The following AFF3 variants were observed in gnomAD, a reference collection of about 807,000 sequenced individuals.
AFF3 encodes the protein AF4/FMR2 family member 3.
Under a neutral mutation model 129.7 loss-of-function variants are expected in AFF3, and 32 were observed. The ratio of observed to expected loss-of-function variants is 0.25; its 90% CI spans 0.19 to 0.33. The LOEUF (loss-of-function observed/expected upper bound fraction) is 0.33. AFF3 is among the 10% of genes least tolerant of loss of function. AFF3 has a pLI of 1.00. For synonymous variants in AFF3, 644 were observed against 635.4 expected (o/e 1.01, Z -0.20); for missense variants, 1,373 against 1,592.0 (o/e 0.86, Z 2.34).
At chr2:99,719,407 A>G (rs1440258975) in intron 11 of AFF3, among the ~76,000 whole-genome samples, 1 of 152,124 alleles carries the variant, frequency 6.6e-6, no homozygotes, top group Non-Finnish European at 1.5e-5. Context: ...GGGATATTGT[A>G]TGATATTTTT....
chr2:99,876,860 C>A (rs1188581397), intron 7 of AFF3, among the ~76,000 whole-genome samples: 3 of 152,116 alleles, frequency 2.0e-5, no homozygotes, highest in African/African-American at 7.2e-5. Flanking sequence ...CAACCTGGAA[C>A]GTATTTCCTC....
At chr2:99,809,144 A>C (rs1686591726) in intron 8 of AFF3, among the ~76,000 whole-genome samples, 1 of 152,250 alleles carries the variant, frequency 6.6e-6, no homozygotes, top group Non-Finnish European at 1.5e-5. Context: ...CTTGACTTTA[A>C]AAAATTTTCT....
At chr2:99,565,963 T>C (rs1675921218) in intron 19 of AFF3, among the ~76,000 whole-genome samples, 1 of 152,202 alleles carries the variant, frequency 6.6e-6, no homozygotes, top group African/African-American at 2.4e-5. Context: ...CTCCATGCTA[T>C]GCTAAATATG....
At chr2:99,939,570 C>T (rs1674838532) in intron 7 of AFF3, among the ~76,000 whole-genome samples, 1 of 152,132 alleles carries the variant, frequency 6.6e-6, no homozygotes, top group Non-Finnish European at 1.5e-5. Context: ...ATATTTGCAA[C>T]AAATTGAAAT....
At chr2:99,606,931 A>AAG (rs1175138988) in intron 13 of AFF3, among the ~76,000 whole-genome samples, 2 of 151,592 alleles carry the variant, frequency 1.3e-5, no homozygotes, top group African/African-American at 2.4e-5. Context: ...AAAAAAAAAA[A>AAG]AAAAAAAAGA....
At chr2:99,776,354 C>A (rs1414498951) in intron 8 of AFF3, among the ~76,000 whole-genome samples, 1 of 152,162 alleles carries the variant, frequency 6.6e-6, no homozygotes, top group Non-Finnish European at 1.5e-5. Context: ...GTTAGAGGAG[C>A]AATGCAGAAA....
intron 7 of AFF3, among the ~76,000 whole-genome samples, chr2:99,942,966 CCCT>C (rs1218156294): frequency 1.3e-5 from 2 of 152,104 alleles, no homozygotes; most frequent in Non-Finnish European, 2.9e-5. Flanking sequence ...AAGCAGAAAC[CCCT>C]CCTTTTCCTT....
chr2:99,906,480 A>G (rs994730740), intron 7 of AFF3, among the ~76,000 whole-genome samples: 1 of 152,176 alleles, frequency 6.6e-6, no homozygotes, highest in Non-Finnish European at 1.5e-5. Context: ...GTCCCCAGTC[A>G]TTCAATCAAA....
At chr2:100,134,194 A>G (rs1235564036) in intron 1 of AFF3, among the ~76,000 whole-genome samples, 1 of 152,218 alleles carries the variant, frequency 6.6e-6, no homozygotes, top group African/African-American at 2.4e-5. Context: ...GACAGCTACT[A>G]CAGGGGATTA....
intron 7 of AFF3, among the ~76,000 whole-genome samples, chr2:99,988,287 T>G (rs1213569065): frequency 6.6e-6 from 1 of 152,164 alleles, no homozygotes; most frequent in Non-Finnish European, 1.5e-5. Context: ...CTTGACTTCA[T>G]CAGGCAGGGT....
In AFF3 at chr2:99,593,737, G is replaced by A. The variant is rs780233607; in HGVS notation, c.1924C>T (p.Arg642Cys). ...NNRASHRKEL[R>C]SSVTCEKRRT... ...CGCTTCTCGCAGGTCACGGAGGAGCGCAGCTCCTTGCGGTGGCTCGCTCTG... is the reference window on the plus strand; with the variant it reads ...CGCTTCTCGCAGGTCACGGAGGAGCACAGCTCCTTGCGGTGGCTCGCTCTG... The change falls in exon 15 of 25, where the codon CGC becomes TGC. Residue 642 changes from arginine to cysteine, a missense_variant. Physicochemically the swap from Arg to Cys is radical, Grantham distance 180. This residue lies in a region of AFF3 where 466 missense variants were observed against 505.0 expected (regional missense o/e 0.92). Coordinates refer to ENST00000672756, the MANE Select transcript of AFF3 (RefSeq NM_001386135.1). The A allele has an allele frequency of 6.2e-6, 10 of 1,612,766 alleles. No individual in the cohort carries two copies. Among genetic ancestry groups the A allele is most frequent in the South Asian group, 1.1e-5 (1 of 91,014 alleles).
chr2:99,594,046 C>A lies in AFF3; in HGVS notation c.1615G>T (p.Ala539Ser), dbSNP rs1396566414. ...TGCTTCACGCCTTTACTCCCAGGGG[C>A]CTTGTTGGCTGTCCTTGGCCTTTGC... ...EEQRPRTANKAPGSKGVKQKS... is the reference protein window; with the variant it reads ...EEQRPRTANKSPGSKGVKQKS... Residue 539 changes from alanine to serine, a missense_variant, in exon 15 of 25, where the codon GCC (alanine) becomes TCC (serine). Coordinates refer to ENST00000672756, the MANE Select transcript of AFF3 (RefSeq NM_001386135.1). The A allele has an allele frequency of 2.6e-5, 42 of 1,610,932 alleles. No individual in the cohort carries two copies. Among genetic ancestry groups the A allele is most frequent in the Non-Finnish European group, 3.4e-5 (40 of 1,178,074 alleles).
chr2:100,007,493 T>C (rs752888142), intron 5 of AFF3, 33 bp from the exon 6 acceptor site: 2 of 1,574,614 alleles, frequency 1.3e-6, no homozygotes, highest in Admixed American at 1.7e-5. Flanking sequence ...ACGCTATTGT[T>C]AGAGACAACA....
chr2:99,906,435 T>C (rs1038505014), intron 7 of AFF3, among the ~76,000 whole-genome samples: 8 of 152,146 alleles, frequency 5.3e-5, no homozygotes, highest in African/African-American at 1.7e-4. Context: ...CTATCTGGGA[T>C]GGTCAGTTCT....
At chr2:99,602,251 T>C (rs1434317778) in intron 13 of AFF3, among the ~76,000 whole-genome samples, 37 of 152,220 alleles carry the variant, frequency 2.4e-4, no homozygotes, top group Admixed American at 2.4e-3. Flanking sequence ...TGTTATAAAC[T>C]GTAACCTTCC....
intron 8 of AFF3, among the ~76,000 whole-genome samples, chr2:99,800,978 T>G (rs1287697483): frequency 6.6e-6 from 1 of 152,090 alleles, no homozygotes; most frequent in African/African-American, 2.4e-5. Context: ...GAGAATGAAT[T>G]TGGCAATGAT....
chr2:99,744,794 T>A (rs1356806983), intron 9 of AFF3, among the ~76,000 whole-genome samples: 1 of 152,168 alleles, frequency 6.6e-6, no homozygotes, highest in Non-Finnish European at 1.5e-5. Flanking sequence ...TGTTAATGGG[T>A]ATTTGGGCTG....
intron 14 of AFF3, among the ~76,000 whole-genome samples, chr2:99,596,447 C>T (rs969930760): frequency 7.2e-5 from 11 of 152,188 alleles, no homozygotes; most frequent in African/African-American, 2.4e-4. Context: ...CCTCAACCCC[C>T]ATTTCTCTCA....
chr2:99,944,132 C>T (rs1386930655), intron 7 of AFF3, among the ~76,000 whole-genome samples: 1 of 152,126 alleles, frequency 6.6e-6, no homozygotes, highest in Non-Finnish European at 1.5e-5. Flanking sequence ...AACCCCTGGG[C>T]TCAAGCCATC....
Sources: gnomAD v4.1 joint callset for allele counts (sites outside exome capture counted in the v4.1 genomes callset) on GRCh38, gnomAD v4.1.1 for gene constraint, gnomAD v4.1.1 regional missense constraint, MANE v1.5 for transcripts, NCBI Gene and HGNC (gene_info 2026-07-23, HGNC 2026-07-21) for gene names.